Variants in RGS12 observed in about 807,000 individuals in gnomAD.
The protein encoded by RGS12 is regulator of G-protein signaling 12.
In RGS12, 66 loss-of-function variants were observed where a neutral mutation model predicts 120.1. The ratio of observed to expected loss-of-function variants is 0.55; its 90% CI spans 0.45 to 0.67. The LOEUF is 0.67. Among genes scored for constraint, RGS12 ranks in the 30% least tolerant of loss-of-function variants. The probability of loss-of-function intolerance (pLI) is 0.00; values close to 1 mark genes in which losing one functional copy is unlikely to be tolerated. For missense variants in RGS12, 1,859 were observed against 1,957.7 expected (o/e 0.95, Z 0.95); for synonymous variants, 827 against 804.7 (o/e 1.03, Z -0.47).
intron 7 of RGS12, 64 bp downstream of exon 7, chr4:3,416,185 T>C: frequency 6.4e-7 from 1 of 1,571,202 alleles, no homozygotes; most frequent in South Asian, 1.1e-5. Context: ...AGGGTCCACC[T>C]TCAAAGAACA....
At chr4:3,354,819 G>C (rs563828933) in intron 3 of RGS12, among the ~76,000 whole-genome samples, 1 of 152,260 alleles carries the variant, frequency 6.6e-6, no homozygotes, top group South Asian at 2.1e-4. Context: ...CAAGAAGTTA[G>C]ACAAAAAGTT....
In RGS12 at chr4:3,394,515, T is replaced by C. The variant is rs1719855474; in HGVS notation, c.2020+8078T>C. Reference sequence around the variant, plus strand: ...TAGAAAGGAATGTAGGTAACAAATATCTAATGAGAATACTCTATTAGGAAT... The same window carrying C: ...TAGAAAGGAATGTAGGTAACAAATACCTAATGAGAATACTCTATTAGGAAT... On this transcript the variant is annotated intron_variant, in intron 4 of 17. Coordinates refer to ENST00000336727, the MANE Select transcript of RGS12 (RefSeq NM_001394154.1). Among the ~76,000 whole-genome samples the C allele has an allele frequency of 2.6e-5, 4 of 152,218 alleles. No homozygotes were observed. The South Asian group carries it at 8.3e-4, about 31-fold the overall frequency.
chr4:3,394,451 C>T (rs1577041070), intron 4 of RGS12, among the ~76,000 whole-genome samples: 1 of 152,292 alleles, frequency 6.6e-6, no homozygotes, highest in East Asian at 1.9e-4. Flanking sequence ...GCGTGAGCTA[C>T]CATGCTCAGC....
intron 3 of RGS12, among the ~76,000 whole-genome samples, chr4:3,375,262 CCCTCATCTCCAG>C (rs1249225347): frequency 3.6e-5 from 5 of 138,834 alleles, no homozygotes; most frequent in South Asian, 2.3e-4. Context: ...TCATCTCCAG[CCCTCATCTCCAG>C]CCTCATCTCC....
intron 4 of RGS12, among the ~76,000 whole-genome samples, chr4:3,400,567 A>T (rs886960563): frequency 3.3e-5 from 5 of 151,328 alleles, no homozygotes; most frequent in Non-Finnish European, 7.4e-5. Context: ...TTAAAAAGTT[A>T]TACTTAATAG....
At chr4:3,428,534 A>G in intron 15 of RGS12, 24 bp from the exon 16 acceptor site, 1 of 1,560,588 alleles carries the variant, frequency 6.4e-7, no homozygotes, top group Non-Finnish European at 8.6e-7. Flanking sequence ...TGAAAGTAGA[A>G]CTTTGACTTT....
At chr4:3,423,416 T>G in intron 12 of RGS12, 99 bp from the exon 13 acceptor site, 16 of 1,505,274 alleles carry the variant, frequency 1.1e-5, no homozygotes, top group Non-Finnish European at 1.3e-5. Context: ...ACCGAGGCCT[T>G]GAGGGCGGCC....
rs766732768 is a variant in RGS12 at position 3,388,507 on chromosome 4, C to T, written c.2020+2070C>T. 2.1e-4 allele frequency among the ~76,000 whole-genome samples: 32 copies of T among 152,236 alleles called. 1 individual carries two copies. Among genetic ancestry groups the T allele is most frequent in the Non-Finnish European group, 4.3e-4 (29 of 68,034 alleles). ...AGATCCAGCAGCTCACAGTAGTCTG[C>T]AGGTGAGATGGCCAGACTCAGGCCT... On this transcript the variant is annotated intron_variant, in intron 4 of 17. Transcript: ENST00000336727.
intron 2 of RGS12, among the ~76,000 whole-genome samples, chr4:3,325,903 C>A (rs1457264752): frequency 3.3e-5 from 5 of 151,972 alleles, no homozygotes; most frequent in East Asian, 3.8e-4. Flanking sequence ...GTGATATATC[C>A]CATAAATAGA....
intron 17 of RGS12, among the ~76,000 whole-genome samples, chr4:3,432,977 C>A (rs1724465364): frequency 6.6e-6 from 1 of 152,238 alleles, no homozygotes; most frequent in African/African-American, 2.4e-5. Context: ...GGCGTTGGGA[C>A]AGAAACTGCT....
In RGS12 at chr4:3,316,907, A is replaced by C. The variant is rs1339734894; in HGVS notation, c.737A>C (p.Asn246Thr). 1 of 1,613,862 alleles carries C rather than the reference A, an allele frequency of 6.2e-7. No homozygotes were observed. The highest frequency in any genetic ancestry group is 1.3e-5 in the African/African-American group (1 of 74,944). ...GSIELPSTSS[N>T]LESDSLQAIR... ...ATTGAGCTTCCTTCCACGAGCTCCA[A>C]CCTGGAGTCCGACAGCTTGCAAGCC... The change falls in exon 2 of 18, where the codon AAC (asparagine) becomes ACC (threonine). Residue 246 changes from asparagine to threonine, a missense_variant. Around this residue, in one of 3 missense-constraint regions of RGS12, gnomAD observed 967 missense variants for 994.2 expected, o/e 0.97. Transcript: ENST00000336727.
intron 10 of RGS12, among the ~76,000 whole-genome samples, chr4:3,421,063 G>A (rs1197299896): frequency 6.6e-6 from 1 of 152,230 alleles, no homozygotes; most frequent in Admixed American, 6.5e-5. Context: ...TCAACAGAAG[G>A]TGTCGAAATC....
chr4:3,428,698 G>T lies in RGS12; in HGVS notation c.3552G>T (p.Leu1184Phe). 6.3e-7 allele frequency: 1 copy of T among 1,593,706 alleles called. No homozygotes were observed. The highest frequency in any genetic ancestry group is 1.2e-5 in the South Asian group (1 of 86,452). ...AAAAAAAATATCAGAAAATTAATTT[G>T]GACGAAGCAGAGGGTATGTGAACTT... is the stretch of plus-strand genomic sequence containing the variant. ...IGKKKYQKINLDEAEEFFELI... is the reference protein window; with the variant it reads ...IGKKKYQKINFDEAEEFFELI... Residue 1184 changes from leucine to phenylalanine, a missense_variant, in exon 16 of 18, where the codon TTG becomes TTT. Leu to Phe is a conservative substitution (Grantham distance 22). Around this residue, in one of 3 missense-constraint regions of RGS12, gnomAD observed 517 missense variants for 488.5 expected, o/e 1.06. Transcript: ENST00000336727.
Position 3,422,506 on chromosome 4 carries a change from G to A in RGS12, c.2969G>A (p.Gly990Glu). 6.2e-7 allele frequency: 1 copy of A among 1,612,954 alleles called. No individual in the cohort carries two copies. Among genetic ancestry groups the A allele is most frequent in the Middle Eastern group, 1.7e-4 (1 of 6,060 alleles). ...TTCTCCATCAAAGACATCCTGTCCGGACTCTGTGAGCGGCATGGCATCAAC... is the reference window on the plus strand; with the variant it reads ...TTCTCCATCAAAGACATCCTGTCCGAACTCTGTGAGCGGCATGGCATCAAC... ...AGFSIKDILS[G>E]LCERHGINGA... The change falls in exon 11 of 18, where the codon GGA becomes GAA. Residue 990 changes from glycine to glutamate, a missense_variant. Coordinates refer to ENST00000336727, the MANE Select transcript of RGS12 (RefSeq NM_001394154.1).
At chr4:3,330,522 G>A (rs2108732869) in intron 2 of RGS12, among the ~76,000 whole-genome samples, 1 of 152,296 alleles carries the variant, frequency 6.6e-6, no homozygotes, top group East Asian at 1.9e-4. Context: ...GATCTTATTG[G>A]CAGCCTGTTC....
chr4:3,287,856 G>T, the RGS12 span, among the ~76,000 whole-genome samples: 82 of 152,334 alleles, frequency 5.4e-4, 1 homozygote, highest in South Asian at 0.013. Flanking sequence ...GGGCTGGCAG[G>T]CTCATTTGTC....
chr4:3,403,570 A>G (rs1309429863), intron 4 of RGS12, among the ~76,000 whole-genome samples: 1 of 152,252 alleles, frequency 6.6e-6, no homozygotes, highest in African/African-American at 2.4e-5. Flanking sequence ...GATCGATAGC[A>G]TGTAAACACT....
intron 2 of RGS12, among the ~76,000 whole-genome samples, chr4:3,318,260 T>A (rs1408503585): frequency 2.6e-5 from 4 of 152,134 alleles, no homozygotes; most frequent in African/African-American, 9.7e-5. Context: ...GTTCGAGTCC[T>A]TGGTTCTGGT....
chr4:3,406,233 C>T (rs549067654), intron 4 of RGS12, among the ~76,000 whole-genome samples: 2 of 152,330 alleles, frequency 1.3e-5, no homozygotes, highest in South Asian at 2.1e-4. Context: ...CCTGCACCCA[C>T]GCCTCCTGCC....
Sources: gnomAD v4.1 joint callset for allele counts (sites outside exome capture counted in the v4.1 genomes callset) on GRCh38, gnomAD v4.1.1 for gene constraint, gnomAD v4.1.1 regional missense constraint, MANE v1.5 for transcripts, NCBI Gene and HGNC (gene_info 2026-07-23, HGNC 2026-07-21) for gene names.